The following MXI1 variants were observed in gnomAD, a reference collection of about 807,000 sequenced individuals.
MXI1 encodes MAX interactor 1, dimerization protein, also known as max-interacting protein 1.
In MXI1, 18 loss-of-function variants were observed where a neutral mutation model predicts 36.9. The observed-to-expected ratio is 0.49, with a 90% CI of 0.34 to 0.72. MXI1 has a LOEUF of 0.72. Among genes scored for constraint, MXI1 ranks in the 30% least tolerant of loss-of-function variants. The pLI is 0.01. For missense variants in MXI1, 304 were observed against 379.1 expected, an observed-to-expected ratio of 0.80 and a Z score of 1.64; for synonymous variants, 160 against 146.7, an observed-to-expected ratio of 1.09 and a Z score of -0.65.
intron 5 of MXI1, among the ~76,000 whole-genome samples, chr10:110,280,541 G>A (rs953969265): frequency 3.3e-5 from 5 of 151,806 alleles, no homozygotes; most frequent in East Asian, 1.9e-4. Flanking sequence ...TTAGACGGGC[G>A]TGGTGGCAGG....
chr10:110,225,446 T>TGATGAAATCATCC (rs1490721441), intron 1 of MXI1, among the ~76,000 whole-genome samples: 1 of 152,228 alleles, frequency 6.6e-6, no homozygotes, highest in East Asian at 1.9e-4. Context: ...AAACCCTCTC[T>TGATGAAATCATCC]GATGAAATCA....
chr10:110,264,974 G>A (rs1856638779), intron 3 of MXI1, among the ~76,000 whole-genome samples: 1 of 151,800 alleles, frequency 6.6e-6, no homozygotes, highest in Admixed American at 6.6e-5. Context: ...ATGGAGAAAT[G>A]TTTTCTAGAA....
At chr10:110,266,653 A>C (rs935994735) in intron 3 of MXI1, among the ~76,000 whole-genome samples, 1 of 152,166 alleles carries the variant, frequency 6.6e-6, no homozygotes, top group East Asian at 1.9e-4. Context: ...GAAGATGTCA[A>C]CTTTATTCTA....
chr10:110,275,171 A>C (rs576850224), intron 3 of MXI1, among the ~76,000 whole-genome samples: 2 of 152,102 alleles, frequency 1.3e-5, no homozygotes, highest in African/African-American at 4.8e-5. Context: ...TACCGCACCC[A>C]GCCTGTGAAT....
At chr10:110,270,556 G>T (rs1017662557) in intron 3 of MXI1, among the ~76,000 whole-genome samples, 5 of 151,976 alleles carry the variant, frequency 3.3e-5, no homozygotes, top group African/African-American at 1.2e-4. Flanking sequence ...AACTTAGCAA[G>T]CAGTCCATGG....
intron 3 of MXI1, among the ~76,000 whole-genome samples, chr10:110,265,663 T>A (rs561756831): frequency 1.3e-5 from 2 of 152,176 alleles, no homozygotes; most frequent in Non-Finnish European, 2.9e-5. Flanking sequence ...AGGATTATAG[T>A]CTAGGTAGAA....
At chr10:110,227,533 G>A (rs1179265395) in intron 1 of MXI1, 1 of 986,954 alleles carries the variant, frequency 1.0e-6, no homozygotes, top group East Asian at 1.1e-4. Flanking sequence ...GGGCCCCGGA[G>A]CGGGAGAGGG....
chr10:110,266,547 A>G (rs916521265), intron 3 of MXI1, among the ~76,000 whole-genome samples: 11 of 152,174 alleles, frequency 7.2e-5, no homozygotes, highest in East Asian at 1.9e-4. Flanking sequence ...GGACAGATCA[A>G]TCTATCATTA....
chr10:110,250,851 A>G (rs1486879720), intron 3 of MXI1, among the ~76,000 whole-genome samples: 2 of 149,710 alleles, frequency 1.3e-5, no homozygotes, highest in East Asian at 1.9e-4. Context: ...AAAAAAAATA[A>G]CAACTTTAAC....
intron 1 of MXI1, chr10:110,226,213 G>T: frequency 6.7e-7 from 1 of 1,483,724 alleles, no homozygotes. Flanking sequence ...CGGTGCCCAT[G>T]GAGCGGGTGA....
In MXI1 at chr10:110,208,066, C is replaced by A. The variant is rs1305766637; in HGVS notation, c.258C>A (p.Ile86=). 2 of 1,595,680 alleles carry A rather than the reference C, an allele frequency of 1.3e-6. No individual in the cohort carries two copies. The highest frequency in any genetic ancestry group is 2.2e-5 in the South Asian group (2 of 89,092). The part of the protein sequence containing the change: ...LLEAASYLEQ[I]EKENKKCEHG... Reference sequence around the variant, plus strand: ...AGGCCGCCAGCTACCTGGAGCAGATCGAGAAAGAAAACAAAAGTAAGTTTG... The same window carrying A: ...AGGCCGCCAGCTACCTGGAGCAGATAGAGAAAGAAAACAAAAGTAAGTTTG... The change falls in exon 1 of 6, where the codon ATC becomes ATA. Residue 86 remains isoleucine (I), a synonymous_variant. Transcript: ENST00000332674.
At chr10:110,260,415 A>AGG (rs1491138151) in intron 3 of MXI1, among the ~76,000 whole-genome samples, 1,066 of 103,718 alleles carry the variant, frequency 0.01, 20 homozygotes, top group African/African-American at 0.041. Context: ...TCCTTGATAC[A>AGG]GGTGTGTGTG....
intron 5 of MXI1, among the ~76,000 whole-genome samples, chr10:110,281,322 TATA>T (rs1490977930): frequency 1.3e-5 from 2 of 152,212 alleles, no homozygotes; most frequent in South Asian, 2.1e-4. Context: ...AAAATGTAAT[TATA>T]ATGCTATTAT....
chr10:110,250,315 T>A (rs1034812679), intron 3 of MXI1, among the ~76,000 whole-genome samples: 2 of 152,112 alleles, frequency 1.3e-5, no homozygotes, highest in African/African-American at 4.8e-5. Context: ...AGCAAAATAC[T>A]TCAGTTGTTC....
At chr10:110,276,562 A>C (rs1453537609) in intron 3 of MXI1, among the ~76,000 whole-genome samples, 3 of 152,202 alleles carry the variant, frequency 2.0e-5, no homozygotes, top group African/African-American at 4.8e-5. Context: ...CAAATGAAAC[A>C]AAGTAATATG....
chr10:110,228,029 C>A, intron 1 of MXI1, 160 bp from the exon 2 acceptor site: 2 of 728,930 alleles, frequency 2.7e-6, no homozygotes, highest in Non-Finnish European at 4.5e-6. Flanking sequence ...GGATTGATGT[C>A]CAGGCGAGGG....
chr10:110,208,420 CTT>C (rs769093791), intron 1 of MXI1: 313 of 133,832 alleles, frequency 2.3e-3, no homozygotes, highest in African/African-American at 7.2e-3. Context: ...GCTTTTCTTC[CTT>C]TTTTTTTTTT....
At chr10:110,284,801 C>CT (rs138538431) in intron 5 of MXI1, 23 bp from the exon 6 acceptor site, 5,196 of 1,170,490 alleles carry the variant, frequency 4.4e-3, no homozygotes, top group Middle Eastern at 5.0e-3. Flanking sequence ...TAATGTTCTT[C>CT]TTTTTTTTTT....
At chr10:110,260,406 C>T (rs1296711959) in intron 3 of MXI1, among the ~76,000 whole-genome samples, 1 of 141,974 alleles carries the variant, frequency 7.0e-6, no homozygotes, top group African/African-American at 2.7e-5. Context: ...GAAGCATTTT[C>T]CTTGATACAG....
Sources: allele counts gnomAD v4.1 joint callset (sites outside exome capture counted in the v4.1 genomes callset), GRCh38; gene constraint gnomAD v4.1.1; transcripts MANE v1.5; gene names NCBI Gene and HGNC (gene_info 2026-07-23, HGNC 2026-07-21).